PTPRD: variants seen among roughly 807,000 people sequenced by gnomAD.
The protein encoded by PTPRD is protein tyrosine phosphatase receptor type D.
Under a neutral mutation model 214.5 loss-of-function variants are expected in PTPRD, and 34 were observed. The ratio of observed to expected loss-of-function variants is 0.16; its 90% CI spans 0.12 to 0.21. PTPRD has a LOEUF of 0.21. Among genes scored for constraint, PTPRD ranks in the 10% least tolerant of loss-of-function variants. PTPRD has a pLI of 1.00. For synonymous variants in PTPRD, 1,128 were observed against 845.7 expected (o/e 1.33, Z -5.79); for missense variants, 2,545 against 2,398.7 (o/e 1.06, Z -1.27).
intron 5 of PTPRD, among the ~76,000 whole-genome samples, chr9:9,879,354 T>A (rs1308303544): frequency 2.0e-5 from 3 of 152,112 alleles, no homozygotes; most frequent in African/African-American, 7.2e-5. Flanking sequence ...CCACTTGTGA[T>A]GAGAAAAAAA....
At chr9:9,013,963 G>A (rs1004199260) in intron 11 of PTPRD, among the ~76,000 whole-genome samples, 6 of 152,056 alleles carry the variant, frequency 3.9e-5, no homozygotes, top group African/African-American at 1.4e-4. Context: ...CTATAAGACT[G>A]GACTCTGAGT....
At chr9:9,819,659 C>A (rs531585812) in intron 5 of PTPRD, among the ~76,000 whole-genome samples, 7 of 151,786 alleles carry the variant, frequency 4.6e-5, no homozygotes, top group Non-Finnish European at 1.0e-4. Context: ...CCCTTGTCCC[C>A]CTCCCTCTTT....
At chr9:8,346,440 C>T (rs1009139109) in intron 39 of PTPRD, among the ~76,000 whole-genome samples, 8 of 152,052 alleles carry the variant, frequency 5.3e-5, no homozygotes, top group South Asian at 2.1e-4. Flanking sequence ...CAGTTATTTG[C>T]GGTTAACCAC....
intron 3 of PTPRD, among the ~76,000 whole-genome samples, chr9:10,217,396 G>A (rs1646229747): frequency 6.6e-6 from 1 of 151,688 alleles, no homozygotes; most frequent in Admixed American, 6.6e-5. Flanking sequence ...ATATCTCAAA[G>A]CAAGTTAATG....
chr9:10,079,753 T>G (rs1384513823), intron 3 of PTPRD, among the ~76,000 whole-genome samples: 1 of 152,166 alleles, frequency 6.6e-6, no homozygotes, highest in Non-Finnish European at 1.5e-5. Context: ...AGGTTCGTTT[T>G]CCTCACCTTT....
chr9:9,826,506 C>G (rs2052902363), intron 5 of PTPRD, among the ~76,000 whole-genome samples: 3 of 151,812 alleles, frequency 2.0e-5, no homozygotes, highest in Admixed American at 6.6e-5. Context: ...AGAGACAGTA[C>G]CATTATAAAG....
Position 8,888,991 on chromosome 9 carries a change from A to T in PTPRD, c.-104+129706T>A, listed in dbSNP as rs1485563846. On this transcript the variant is annotated intron_variant, in intron 11 of 45. Coordinates refer to ENST00000381196, the MANE Select transcript of PTPRD (RefSeq NM_002839.4). ...TTGGGAAGATGAACTGTAATATTGA[A>T]TGTAAAATATTTATTTGTTGCTCAA... Among the ~76,000 whole-genome samples the T allele has an allele frequency of 2.0e-5, 3 of 152,200 alleles. No individual in the cohort carries two copies. In the South Asian group the frequency reaches 6.2e-4, roughly 32 times the overall value.
intron 11 of PTPRD, among the ~76,000 whole-genome samples, chr9:8,990,258 G>T (rs1416206434): frequency 6.6e-6 from 1 of 152,104 alleles, no homozygotes; most frequent in African/African-American, 2.4e-5. Flanking sequence ...AAGGAGCAAG[G>T]GTCCCACTTA....
intron 8 of PTPRD, among the ~76,000 whole-genome samples, chr9:9,479,079 T>A (rs1296453341): frequency 6.6e-6 from 1 of 152,088 alleles, no homozygotes; most frequent in Non-Finnish European, 1.5e-5. Flanking sequence ...GTTTTTTTTC[T>A]TTCATAATGT....
intron 12 of PTPRD, among the ~76,000 whole-genome samples, chr9:8,654,802 C>G (rs1190452816): frequency 7.9e-5 from 12 of 151,868 alleles, no homozygotes; most frequent in Admixed American, 7.2e-4. Context: ...TTTATTTATC[C>G]TTGGATTTTA....
chr9:8,832,197 C>T (rs1271490857), intron 11 of PTPRD, among the ~76,000 whole-genome samples: 1 of 151,526 alleles, frequency 6.6e-6, no homozygotes, highest in Non-Finnish European at 1.5e-5. Flanking sequence ...AAGAATCCTG[C>T]AATAAAAACG....
chr9:10,544,820 T>C (rs1287987211), intron 2 of PTPRD, among the ~76,000 whole-genome samples: 1 of 152,210 alleles, frequency 6.6e-6, no homozygotes, highest in Non-Finnish European at 1.5e-5. Flanking sequence ...CTAATGGTCC[T>C]ACATTTCAAT....
chr9:8,370,205 TATACAC>T (rs1403507759), intron 39 of PTPRD, among the ~76,000 whole-genome samples: 159 of 63,454 alleles, frequency 2.5e-3, no homozygotes, highest in African/African-American at 4.9e-3. Context: ...CACATATATA[TATACAC>T]ACACACACAC....
intron 10 of PTPRD, among the ~76,000 whole-genome samples, chr9:9,116,904 T>C (rs1312082829): frequency 6.6e-6 from 1 of 152,188 alleles, no homozygotes; most frequent in Non-Finnish European, 1.5e-5. Flanking sequence ...TTTCTCACTA[T>C]TGGCTTTCCA....
chr9:9,456,598 TCTAA>T (rs777423915), intron 8 of PTPRD, among the ~76,000 whole-genome samples: 3 of 151,890 alleles, frequency 2.0e-5, no homozygotes, highest in Non-Finnish European at 2.9e-5. Flanking sequence ...ACTATTAGCC[TCTAA>T]CTATCACCTC....
intron 14 of PTPRD, among the ~76,000 whole-genome samples, chr9:8,556,488 T>C (rs917949803): frequency 1.3e-5 from 2 of 152,168 alleles, no homozygotes; most frequent in Non-Finnish European, 2.9e-5. Context: ...CACCAAAATA[T>C]ACTGTGCTAA....
At chr9:9,997,817 T>C (rs2154087857) in intron 4 of PTPRD, among the ~76,000 whole-genome samples, 1 of 148,192 alleles carries the variant, frequency 6.7e-6, no homozygotes, top group Non-Finnish European at 1.5e-5. Flanking sequence ...CCCACCCTCT[T>C]CTCCTTGTCA....
chr9:10,176,919 G>C (rs1231554541), intron 3 of PTPRD, among the ~76,000 whole-genome samples: 1 of 151,884 alleles, frequency 6.6e-6, no homozygotes, highest in East Asian at 1.9e-4. Context: ...TCTTATAAAA[G>C]ACAAACAGCA....
At chr9:9,359,187 TA>T (rs918826490) in intron 9 of PTPRD, among the ~76,000 whole-genome samples, 4 of 151,398 alleles carry the variant, frequency 2.6e-5, no homozygotes, top group African/African-American at 9.7e-5. Flanking sequence ...CAGTTTTCTA[TA>T]AAATGCACTA....
Sources: gnomAD v4.1 joint callset for allele counts (sites outside exome capture counted in the v4.1 genomes callset) on GRCh38, gnomAD v4.1.1 for gene constraint, MANE v1.5 for transcripts, NCBI Gene and HGNC (gene_info 2026-07-23, HGNC 2026-07-21) for gene names.